Variants in LRRC4C observed in about 807,000 individuals in gnomAD.
LRRC4C encodes leucine-rich repeat-containing protein 4C.
In LRRC4C, 5 loss-of-function variants were observed where a neutral mutation model predicts 33.6. That is an observed-to-expected ratio of 0.15 (90% CI 0.08 to 0.31). LRRC4C has a LOEUF of 0.31. Ranked by LOEUF, LRRC4C falls within the 10% of genes least tolerant of loss-of-function variation. The pLI, the probability that LRRC4C is intolerant of heterozygous loss-of-function variation, is 1.00. For synonymous variants in LRRC4C, 329 were observed against 302.0 expected (o/e 1.09, Z -0.93); for missense variants, 560 against 796.7 (o/e 0.70, Z 3.58).
chr11:41,458,922 C>T (rs1381885404), intron 1 of LRRC4C, among the ~76,000 whole-genome samples: 7 of 151,934 alleles, frequency 4.6e-5, no homozygotes, highest in Admixed American at 3.3e-4. Flanking sequence ...GCATTCGCTA[C>T]TCTCTAGAGC....
chr11:40,231,333 T>C (rs1218365253), intron 5 of LRRC4C, among the ~76,000 whole-genome samples: 1 of 152,220 alleles, frequency 6.6e-6, no homozygotes, highest in Non-Finnish European at 1.5e-5. Context: ...GGCTGTAAGA[T>C]GATATGTCAT....
chr11:40,495,830 T>C (rs1298341029), intron 3 of LRRC4C, among the ~76,000 whole-genome samples: 1 of 46,700 alleles, frequency 2.1e-5, no homozygotes, highest in Non-Finnish European at 4.3e-5. Flanking sequence ...TTTTTTTTTT[T>C]TTTTTTTTTT....
chr11:40,526,153 A>C (rs538901542), intron 3 of LRRC4C, among the ~76,000 whole-genome samples: 2 of 152,274 alleles, frequency 1.3e-5, no homozygotes, highest in South Asian at 2.1e-4. Context: ...AAAACAAAAG[A>C]TTATCTTATT....
intron 3 of LRRC4C, among the ~76,000 whole-genome samples, chr11:40,436,606 T>C (rs1192891134): frequency 2.6e-5 from 4 of 152,154 alleles, no homozygotes; most frequent in Admixed American, 6.6e-5. Context: ...CTAACTCAAA[T>C]GCTCCAAGAC....
intron 1 of LRRC4C, among the ~76,000 whole-genome samples, chr11:41,344,296 T>C (rs1688846747): frequency 6.7e-6 from 1 of 149,972 alleles, no homozygotes; most frequent in Non-Finnish European, 1.5e-5. Flanking sequence ...GTGCAGTCTC[T>C]GCTCGCTGCA....
chr11:40,574,792 T>A (rs994906359), intron 3 of LRRC4C, among the ~76,000 whole-genome samples: 27 of 152,072 alleles, frequency 1.8e-4, no homozygotes, highest in African/African-American at 5.1e-4. Context: ...ACACCTAGGT[T>A]TATTCATTCA....
At chr11:40,978,206 G>C (rs1338535215) in intron 1 of LRRC4C, among the ~76,000 whole-genome samples, 1 of 152,042 alleles carries the variant, frequency 6.6e-6, no homozygotes, top group Non-Finnish European at 1.5e-5. Flanking sequence ...GCTCACATTT[G>C]TAATCAGAGT....
At chr11:40,778,563 T>C (rs898925327) in intron 2 of LRRC4C, among the ~76,000 whole-genome samples, 3 of 152,064 alleles carry the variant, frequency 2.0e-5, no homozygotes, top group Non-Finnish European at 4.4e-5. Flanking sequence ...TGCTAAATGC[T>C]CAGGAGAAAG....
At chr11:41,038,357 G>A (rs577891476) in intron 1 of LRRC4C, among the ~76,000 whole-genome samples, 18 of 152,268 alleles carry the variant, frequency 1.2e-4, no homozygotes, top group African/African-American at 4.3e-4. Flanking sequence ...CTTTATTTTT[G>A]TATAAATCCC....
intron 5 of LRRC4C, among the ~76,000 whole-genome samples, chr11:40,225,572 T>C (rs1027693815): frequency 3.3e-5 from 5 of 152,124 alleles, no homozygotes; most frequent in African/African-American, 1.2e-4. Flanking sequence ...GAGGATTGCT[T>C]TCTACACAGC....
At chr11:40,707,605 G>C (rs576848419) in intron 2 of LRRC4C, among the ~76,000 whole-genome samples, 69 of 152,254 alleles carry the variant, frequency 4.5e-4, no homozygotes, top group Non-Finnish European at 7.4e-4. Context: ...TGCTGGATTT[G>C]GTTTGCCAGT....
At chr11:40,926,162 T>C (rs998989117) in intron 2 of LRRC4C, among the ~76,000 whole-genome samples, 2 of 152,086 alleles carry the variant, frequency 1.3e-5, no homozygotes, top group Non-Finnish European at 2.9e-5. Context: ...TTAGTACAAA[T>C]GCCAAATTCA....
chr11:41,149,270 C>A (rs1943874127), intron 1 of LRRC4C, among the ~76,000 whole-genome samples: 1 of 152,014 alleles, frequency 6.6e-6, no homozygotes, highest in Admixed American at 6.5e-5. Flanking sequence ...CTTTGGGAGG[C>A]CGAGGCGGGC....
At chr11:40,308,521 C>T (rs1056315015) in intron 4 of LRRC4C, among the ~76,000 whole-genome samples, 3 of 152,226 alleles carry the variant, frequency 2.0e-5, no homozygotes, top group South Asian at 4.2e-4. Flanking sequence ...GGGAGATTAT[C>T]CTGGATGACC....
intron 5 of LRRC4C, among the ~76,000 whole-genome samples, chr11:40,206,410 AT>A (rs11303120): frequency 0.53 from 77,623 of 146,938 alleles, 20,264 homozygotes; most frequent in East Asian, 0.61. Flanking sequence ...TAATTTTTGT[AT>A]TTTTTTTTTT....
At chr11:41,429,430 C>T (rs1472235344) in intron 1 of LRRC4C, among the ~76,000 whole-genome samples, 2 of 152,024 alleles carry the variant, frequency 1.3e-5, no homozygotes, top group South Asian at 2.1e-4. Context: ...GTAGTCTTGT[C>T]AGAGTTTAAA....
At chr11:41,140,761 A>G (rs1485088571) in intron 1 of LRRC4C, among the ~76,000 whole-genome samples, 1 of 152,232 alleles carries the variant, frequency 6.6e-6, no homozygotes, top group Admixed American at 6.5e-5. Context: ...CCTTATTGCC[A>G]GAAATTATCC....
intron 2 of LRRC4C, among the ~76,000 whole-genome samples, chr11:40,761,064 G>A: frequency 6.6e-6 from 1 of 151,548 alleles, no homozygotes; most frequent in South Asian, 2.1e-4. Context: ...TAAACCCATA[G>A]CCCACTTGGT....
At chr11:40,333,470 A>T (rs1302654577) in intron 3 of LRRC4C, among the ~76,000 whole-genome samples, 2 of 152,070 alleles carry the variant, frequency 1.3e-5, no homozygotes, top group African/African-American at 2.4e-5. Context: ...TAATCCTAGC[A>T]CTTTGGGAGG....
Sources: allele counts gnomAD v4.1 joint callset (sites outside exome capture counted in the v4.1 genomes callset), GRCh38; gene constraint gnomAD v4.1.1; transcripts MANE v1.5; gene names NCBI Gene and HGNC (gene_info 2026-07-23, HGNC 2026-07-21).